RBPJ: variants seen among roughly 807,000 people sequenced by gnomAD.
The protein encoded by RBPJ is recombination signal binding protein for immunoglobulin kappa J region, also known as recombining binding protein suppressor of hairless.
A neutral mutation model predicts 67.8 loss-of-function variants in RBPJ; 9 were observed. The observed-to-expected ratio is 0.13, with a 90% CI of 0.08 to 0.23. RBPJ has a LOEUF of 0.23. Among genes scored for constraint, RBPJ ranks in the 10% least tolerant of loss-of-function variants. The pLI is 1.00. For missense variants in RBPJ, 305 were observed against 595.6 expected, an observed-to-expected ratio of 0.51 and a Z score of 5.08; for synonymous variants, 198 against 203.3, an observed-to-expected ratio of 0.97 and a Z score of 0.22.
At chr4:26,351,377 A>AT (rs35988780) in intron 1 of RBPJ, among the ~76,000 whole-genome samples, 3,657 of 152,002 alleles carry the variant, frequency 0.024, 124 homozygotes, top group African/African-American at 0.072. Context: ...ACTTGAGAGA[A>AT]TTTTTCTGAG....
chr4:26,281,051 C>T (rs200639452), intron 1 of RBPJ, among the ~76,000 whole-genome samples: 3 of 151,976 alleles, frequency 2.0e-5, no homozygotes, highest in African/African-American at 7.3e-5. Flanking sequence ...TTGTGTTAAA[C>T]AAAAACAGCC....
At chr4:26,374,625 A>G (rs1286958904) in intron 1 of RBPJ, among the ~76,000 whole-genome samples, 1 of 151,880 alleles carries the variant, frequency 6.6e-6, no homozygotes, top group African/African-American at 2.4e-5. Context: ...ACAGGTGCGC[A>G]CCACCATGCC....
intron 1 of RBPJ, among the ~76,000 whole-genome samples, chr4:26,238,084 C>A (rs1312627665): frequency 6.6e-6 from 1 of 152,144 alleles, no homozygotes; most frequent in Non-Finnish European, 1.5e-5. Flanking sequence ...TGTTTTGAGA[C>A]AGGGTCTCAC....
At chr4:26,127,493 T>G in the RBPJ span, among the ~76,000 whole-genome samples, 1 of 152,116 alleles carries the variant, frequency 6.6e-6, no homozygotes, top group East Asian at 1.9e-4. Context: ...AGGAAAATCT[T>G]TTGGTAGGCA....
chr4:26,188,073 A>G (rs545409359), intron 1 of RBPJ, among the ~76,000 whole-genome samples: 41 of 152,038 alleles, frequency 2.7e-4, no homozygotes, highest in Middle Eastern at 6.8e-3. Flanking sequence ...GCTGGGCAGG[A>G]GGGTGTGTGC....
intron 2 of RBPJ, among the ~76,000 whole-genome samples, chr4:26,393,001 C>T (rs531776693): frequency 1.3e-5 from 2 of 152,160 alleles, no homozygotes; most frequent in Admixed American, 6.5e-5. Flanking sequence ...GTGCCTGCCA[C>T]CATGCCCAGC....
At chr4:26,294,330 C>T (rs1423225650) in intron 1 of RBPJ, among the ~76,000 whole-genome samples, 2 of 152,082 alleles carry the variant, frequency 1.3e-5, no homozygotes, top group South Asian at 2.1e-4. Context: ...AACTCCTGAC[C>T]TTGTGATCCA....
upstream of RBPJ, among the ~76,000 whole-genome samples, chr4:26,315,119 T>C (rs149408487): frequency 0.012 from 1,343 of 113,362 alleles, 12 homozygotes; most frequent in Non-Finnish European, 0.015. Flanking sequence ...CACACCAGCC[T>C]GGGTGACAGA....
chr4:26,238,752 T>C (rs79899889), intron 1 of RBPJ, among the ~76,000 whole-genome samples: 25,766 of 151,642 alleles, frequency 0.17, 2,532 homozygotes, highest in Non-Finnish European at 0.22. Context: ...TTCCCAGAAG[T>C]GGTGGGGTCG....
chr4:26,401,324 C>T (rs189081557), intron 2 of RBPJ, among the ~76,000 whole-genome samples: 2 of 152,222 alleles, frequency 1.3e-5, no homozygotes, highest in Non-Finnish European at 2.9e-5. Flanking sequence ...ATTTTGTCCT[C>T]ACAAGCTAGG....
chr4:26,207,209 A>G (rs997331135), intron 1 of RBPJ, among the ~76,000 whole-genome samples: 3 of 152,144 alleles, frequency 2.0e-5, no homozygotes, highest in African/African-American at 7.2e-5. Context: ...CCAGTTCCTC[A>G]TGGTTTTTCT....
At chr4:26,285,513 C>G (rs1257971635) in intron 1 of RBPJ, among the ~76,000 whole-genome samples, 1 of 151,940 alleles carries the variant, frequency 6.6e-6, no homozygotes, top group Non-Finnish European at 1.5e-5. Flanking sequence ...CAAGATCTCT[C>G]TGCCTCAAAA....
intron 1 of RBPJ, among the ~76,000 whole-genome samples, chr4:26,219,925 A>G (rs1176326000): frequency 6.8e-6 from 1 of 146,050 alleles, no homozygotes; most frequent in Non-Finnish European, 1.5e-5. Context: ...ACAGGCACCC[A>G]CCACCACGCC....
At position 26,430,009 on chromosome 4, in the gene RBPJ, G is replaced by T. The variant is rs1446623681; in HGVS notation, c.1000G>T (p.Val334Phe). Residue 334 changes from valine (V) to phenylalanine (F), a missense_variant, in exon 9 of 11, where the codon GTC (valine) becomes TTC (phenylalanine). Physicochemically the swap from Val to Phe is conservative, Grantham distance 50. Around this residue, in one of 7 missense-constraint regions of RBPJ, gnomAD observed 16 missense variants for 17.1 expected, o/e 0.94. Transcript: ENST00000355476. The surrounding 1 kb of genome is among the most constrained non-coding windows in gnomAD (Gnocchi z 4.1). ...TACATTTTATGAGGGAATGGGCCCT[G>T]TCCTTGCCCCAGTCACTCCTGTGCC... is the stretch of plus-strand genomic sequence containing the variant. ...EYTFYEGMGP[V>F]LAPVTPVPVV... 6.2e-7 allele frequency: 1 copy of T among 1,614,012 alleles called. No individual in the cohort carries two copies. The highest frequency in any genetic ancestry group is 8.5e-7 in the Non-Finnish European group (1 of 1,180,006).
chr4:26,167,966 C>G (rs1009777351), intron 1 of RBPJ, among the ~76,000 whole-genome samples: 107 of 151,934 alleles, frequency 7.0e-4, no homozygotes, highest in African/African-American at 2.5e-3. Context: ...CTATGTGTGT[C>G]TCTGCATGTG....
At position 26,337,958 on chromosome 4, in the gene RBPJ, T is replaced by C. The variant is rs116002228; in HGVS notation, c.20+16910T>C. 7.2e-3 allele frequency among the ~76,000 whole-genome samples: 1,098 copies of C among 152,050 alleles called. 16 individuals carry two copies. Among genetic ancestry groups the C allele is most frequent in the African/African-American group, 0.025 (1,047 of 41,476 alleles). On this transcript the variant is annotated intron_variant, in intron 1 of 10. Coordinates refer to ENST00000355476, the MANE Select transcript of RBPJ (RefSeq NM_015874.6). ...TATAAGCACTTTTATTTTCCACATA[T>C]TACTTTTGTCAATTCTATGGTTTTT... is the stretch of plus-strand genomic sequence containing the variant.
Position 26,430,568 on chromosome 4 carries a change from T to G in RBPJ, c.1148+46T>G, listed in dbSNP as rs754020125. 4 of 1,534,070 alleles carry G rather than the reference T, an allele frequency of 2.6e-6. No homozygotes were observed. In the Admixed American group the frequency reaches 7.4e-5, roughly 28 times the overall value. On this transcript the variant is annotated intron_variant, in intron 10 of 10. Coordinates refer to ENST00000355476, the MANE Select transcript of RBPJ (RefSeq NM_015874.6). The surrounding 1 kb of genome is among the most constrained non-coding windows in gnomAD (Gnocchi z 4.1). Reference sequence around the variant, plus strand: ...CATCATCCAGAGGTTGTGAGGGGTGTGGGTACAGGAGATTCTTTCCTGGCA... The same window carrying G: ...CATCATCCAGAGGTTGTGAGGGGTGGGGGTACAGGAGATTCTTTCCTGGCA...
At chr4:26,337,527 C>CTT (rs74272715) in intron 1 of RBPJ, among the ~76,000 whole-genome samples, 23 of 142,972 alleles carry the variant, frequency 1.6e-4, no homozygotes, top group African/African-American at 4.1e-4. Context: ...TTGTTTCCAA[C>CTT]TTTTTTTTTT....
the RBPJ span, among the ~76,000 whole-genome samples, chr4:26,134,724 G>T: frequency 0.51 from 76,789 of 151,966 alleles, 19,461 homozygotes; most frequent in East Asian, 0.59. Flanking sequence ...CTCCTTCAAC[G>T]AGCAGGTAAC....
Sources: allele counts gnomAD v4.1 joint callset (sites outside exome capture counted in the v4.1 genomes callset), GRCh38; gene constraint gnomAD v4.1.1; regional missense constraint gnomAD v4.1.1; non-coding constraint Gnocchi (gnomAD v3.1); transcripts MANE v1.5; gene names NCBI Gene and HGNC (gene_info 2026-07-23, HGNC 2026-07-21).